The following GCFC2 variants were observed in gnomAD, a reference collection of about 807,000 sequenced individuals.
GCFC2 encodes GC-rich sequence DNA-binding factor 2, also known as intron Large complex component GCFC2.
In GCFC2, 102 loss-of-function variants were observed where a neutral mutation model predicts 99.4. The ratio of observed to expected loss-of-function variants is 1.03; its 90% CI spans 0.87 to 1.21. The LOEUF (loss-of-function observed/expected upper bound fraction) is 1.21. Ranked by LOEUF, GCFC2 falls within the 50% of genes most tolerant of loss-of-function variation. The pLI is 0.00. For synonymous variants in GCFC2, 338 were observed against 316.8 expected (o/e 1.07, Z -0.71); for missense variants, 973 against 920.9 (o/e 1.06, Z -0.73).
chr2:75,677,909 C>G (rs1394634830), intron 12 of GCFC2, among the ~76,000 whole-genome samples: 2 of 150,834 alleles, frequency 1.3e-5, no homozygotes, highest in African/African-American at 4.9e-5. Context: ...ACCTGGGAGG[C>G]GGAGGTTGCA....
chr2:75,664,857 C>A, intron 16 of GCFC2, 74 bp from the exon 17 acceptor site: 1 of 719,236 alleles, frequency 1.4e-6, no homozygotes, highest in South Asian at 1.6e-5. Context: ...AGAACCTGAT[C>A]ATCAGTTGTT....
chr2:75,695,785 T>C (rs1680287298), intron 5 of GCFC2, among the ~76,000 whole-genome samples: 4 of 152,164 alleles, frequency 2.6e-5, no homozygotes, highest in Admixed American at 2.0e-4. Flanking sequence ...ACTGAGATGG[T>C]TACTATGTGA....
intron 11 of GCFC2, among the ~76,000 whole-genome samples, chr2:75,687,057 C>T (rs538181497): frequency 6.7e-4 from 102 of 152,184 alleles, no homozygotes; most frequent in African/African-American, 2.3e-3. Context: ...GCCTCAGCCT[C>T]CTGAGTAGCT....
At chr2:75,692,866 T>C (rs1680147797) in intron 6 of GCFC2, among the ~76,000 whole-genome samples, 1 of 152,054 alleles carries the variant, frequency 6.6e-6, no homozygotes, top group Admixed American at 6.6e-5. Flanking sequence ...GGTAAGTAAG[T>C]TGTGATGTGA....
At chr2:75,677,753 C>T (rs1002363763) in intron 12 of GCFC2, among the ~76,000 whole-genome samples, 1 of 152,012 alleles carries the variant, frequency 6.6e-6, no homozygotes, top group Non-Finnish European at 1.5e-5. Context: ...CCGAGGTGGG[C>T]GGATCACAAG....
intron 5 of GCFC2, among the ~76,000 whole-genome samples, chr2:75,695,292 C>T (rs1680257916): frequency 6.6e-6 from 1 of 152,030 alleles, no homozygotes; most frequent in Non-Finnish European, 1.5e-5. Flanking sequence ...TCATCTAGCC[C>T]TTAAAGCCTA....
At chr2:75,695,256 A>G (rs1396975476) in intron 5 of GCFC2, among the ~76,000 whole-genome samples, 2 of 152,176 alleles carry the variant, frequency 1.3e-5, no homozygotes, top group South Asian at 2.1e-4. Context: ...ATGCTGTAAC[A>G]TAGAGTTGAG....
Position 75,710,683 on chromosome 2 carries a change from G to C in GCFC2, c.173C>G (p.Pro58Arg), listed in dbSNP as rs573969865. The change falls in exon 1 of 17, where the codon CCC (proline) becomes CGC (arginine). Residue 58 changes from proline to arginine, a missense_variant. Pro to Arg is a moderately radical substitution (Grantham distance 103). Coordinates refer to ENST00000321027, the MANE Select transcript of GCFC2 (RefSeq NM_003203.5). ...GGGRAQVAGL[P>R]HRVRGPRGRG... is the part of the protein sequence containing the mutation. The stretch of plus-strand genomic sequence containing the variant: ...GCCACGAGGGCCCCGAACCCGGTGG[G>C]GCAGTCCCGCCACCTGCGCGCGGCC... 5 of 1,525,160 alleles carry C rather than the reference G, an allele frequency of 3.3e-6. No homozygotes were observed. The highest frequency in any genetic ancestry group is 2.9e-5 in the African/African-American group (2 of 69,974). 94.5% of individuals were successfully genotyped at this position (1,525,160 alleles called of 1,614,324 possible).
At chr2:75,688,306 T>G (rs1218456848) in intron 10 of GCFC2, among the ~76,000 whole-genome samples, 1 of 152,058 alleles carries the variant, frequency 6.6e-6, no homozygotes, top group Non-Finnish European at 1.5e-5. Context: ...TGTTAGGCAC[T>G]TGAAACAGCC....
intron 11 of GCFC2, among the ~76,000 whole-genome samples, chr2:75,683,506 A>G (rs763783489): frequency 5.3e-5 from 8 of 149,612 alleles, no homozygotes; most frequent in African/African-American, 1.5e-4. Flanking sequence ...AATTGTAAAG[A>G]CCATCAACGC....
chr2:75,693,926 ATGT>A (rs1214361419), intron 6 of GCFC2, among the ~76,000 whole-genome samples: 2 of 152,250 alleles, frequency 1.3e-5, no homozygotes, highest in East Asian at 3.8e-4. Flanking sequence ...CAATTTTGTA[ATGT>A]TTCATAAGCC....
chr2:75,696,570 T>C (rs990385906), intron 4 of GCFC2, among the ~76,000 whole-genome samples: 3 of 152,200 alleles, frequency 2.0e-5, no homozygotes, highest in African/African-American at 4.8e-5. Context: ...ATTTTGGTTA[T>C]GGTCTAATGT....
chr2:75,667,759 A>G (rs532542067), intron 15 of GCFC2, among the ~76,000 whole-genome samples: 93 of 152,324 alleles, frequency 6.1e-4, no homozygotes, highest in Non-Finnish European at 1.2e-3. Flanking sequence ...TTCTAACCAT[A>G]TGCTGTGGAA....
At chr2:75,705,600 G>C in intron 2 of GCFC2, among the ~76,000 whole-genome samples, 1 of 94,532 alleles carries the variant, frequency 1.1e-5, no homozygotes, top group East Asian at 3.2e-4. Flanking sequence ...CTGGGCGACA[G>C]AGTGAGACTC....
intron 14 of GCFC2, among the ~76,000 whole-genome samples, chr2:75,671,061 G>C (rs1318581249): frequency 6.6e-6 from 1 of 152,018 alleles, no homozygotes; most frequent in East Asian, 1.9e-4. Flanking sequence ...AATAAACAGT[G>C]TTTCAGTCTT....
At chr2:75,698,781 G>A (rs1680445057) in intron 4 of GCFC2, among the ~76,000 whole-genome samples, 1 of 152,190 alleles carries the variant, frequency 6.6e-6, no homozygotes, top group East Asian at 1.9e-4. Flanking sequence ...GGAGGTTGAG[G>A]TGGGCAGACT....
chr2:75,702,523 A>G (rs1309289517), intron 2 of GCFC2, 100 bp from the exon 3 acceptor site: 1 of 912,510 alleles, frequency 1.1e-6, no homozygotes, highest in Non-Finnish European at 1.6e-6. Context: ...TTCCTAAATT[A>G]TTTGCTATTT....
intron 1 of GCFC2, among the ~76,000 whole-genome samples, chr2:75,709,485 T>C (rs1025592576): frequency 3.3e-5 from 5 of 152,118 alleles, no homozygotes; most frequent in Non-Finnish European, 5.9e-5. Flanking sequence ...ATCTCACATA[T>C]GTAATCTAAA....
Position 75,681,420 on chromosome 2 carries a change from G to A in GCFC2, c.1691-1106C>T, listed in dbSNP as rs576947619. The stretch of plus-strand genomic sequence containing the variant: ...AGCCCAGATACTGTGTTTTTCCCAC[G>A]GTCTTCGCAACCGGCAGACCAGGAG... On this transcript the variant is annotated intron_variant, in intron 11 of 16. Transcript: ENST00000321027. Among the ~76,000 whole-genome samples, 79 of 150,488 alleles carry A rather than the reference G, an allele frequency of 5.2e-4. No individual in the cohort carries two copies. The South Asian group carries it at 0.012, about 22-fold the overall frequency.
Sources: allele counts gnomAD v4.1 joint callset (sites outside exome capture counted in the v4.1 genomes callset), GRCh38; gene constraint gnomAD v4.1.1; transcripts MANE v1.5; gene names NCBI Gene and HGNC (gene_info 2026-07-23, HGNC 2026-07-21).